Variants in PLGRKT observed in about 807,000 individuals in gnomAD.
PLGRKT encodes plasminogen receptor with a C-terminal lysine.
Under a neutral mutation model 18.5 loss-of-function variants are expected in PLGRKT, and 22 were observed. That is an observed-to-expected ratio of 1.19 (90% CI 0.85 to 1.70). The LOEUF (loss-of-function observed/expected upper bound fraction) is 1.70. Among genes scored for constraint, PLGRKT ranks in the 40% most tolerant of loss-of-function variants. The pLI, the probability that PLGRKT is intolerant of heterozygous loss-of-function variation, is 0.00. For missense variants in PLGRKT, 235 were observed against 174.4 expected, an observed-to-expected ratio of 1.35 and a Z score of -1.96; for synonymous variants, 72 against 52.8, an observed-to-expected ratio of 1.36 and a Z score of -1.58.
Position 5,400,003 on chromosome 9 carries a change from GAAAT to G in PLGRKT, c.81+31890_81+31893del, listed in dbSNP as rs992722096. Among the ~76,000 whole-genome samples the G allele has an allele frequency of 3.3e-5, 5 of 151,466 alleles. 1 individual carries two copies. Among genetic ancestry groups the G allele is most frequent in the African/African-American group, 1.2e-4 (5 of 41,030 alleles). ...AGACTCTGTCTCAAAAAAAATAAAT[GAAAT>G]AAATAAATAAATAAAGTGTTATTCT... is the stretch of plus-strand genomic sequence containing the variant. On this transcript the variant is annotated intron_variant, in intron 3 of 5. Transcript: ENST00000223864.
chr9:5,431,531 CA>C (rs1191361436), intron 3 of PLGRKT, among the ~76,000 whole-genome samples: 31,393 of 77,100 alleles, frequency 0.41, 3,631 homozygotes, highest in East Asian at 0.55. Context: ...GAGACTCTCT[CA>C]AAAAAAAAAA....
At chr9:5,401,671 T>C (rs770943373) in intron 3 of PLGRKT, among the ~76,000 whole-genome samples, 17 of 151,956 alleles carry the variant, frequency 1.1e-4, no homozygotes, top group Non-Finnish European at 2.2e-4. Flanking sequence ...GATGTAAATT[T>C]GTTAATTGTT....
chr9:5,388,394 TAA>T (rs1817885414), intron 3 of PLGRKT, among the ~76,000 whole-genome samples: 2 of 152,108 alleles, frequency 1.3e-5, no homozygotes, highest in South Asian at 2.1e-4. Flanking sequence ...AGTAAACATC[TAA>T]AATTCTGCCT....
chr9:5,424,668 T>TTATATATATATATATGTGTATATATATA (rs1554634175), intron 3 of PLGRKT, among the ~76,000 whole-genome samples: 7 of 113,170 alleles, frequency 6.2e-5, no homozygotes, highest in African/African-American at 2.9e-4. Context: ...ATTATATATT[T>TTATATATATATATATGTGTATATATATA]TATATATATA....
At chr9:5,425,109 A>T (rs10491646) in intron 3 of PLGRKT, among the ~76,000 whole-genome samples, 37,184 of 152,112 alleles carry the variant, frequency 0.24, 4,676 homozygotes, top group Non-Finnish European at 0.28. Flanking sequence ...ACATTGACCA[A>T]AAGTGCTTTG....
intron 3 of PLGRKT, among the ~76,000 whole-genome samples, chr9:5,411,875 G>C (rs563917305): frequency 2.6e-5 from 4 of 152,150 alleles, no homozygotes; most frequent in South Asian, 2.1e-4. Flanking sequence ...TGACTCAATA[G>C]TTCTTCACAA....
chr9:5,399,244 ATC>A (rs1818110485), intron 3 of PLGRKT, among the ~76,000 whole-genome samples: 1 of 151,860 alleles, frequency 6.6e-6, no homozygotes, highest in South Asian at 2.1e-4. Context: ...TCTCCTTTTA[ATC>A]TGTCTAATGT....
At chr9:5,394,538 G>A (rs1031203768) in intron 3 of PLGRKT, among the ~76,000 whole-genome samples, 1 of 151,382 alleles carries the variant, frequency 6.6e-6, no homozygotes, top group Non-Finnish European at 1.5e-5. Flanking sequence ...TCAGCCTCCC[G>A]AGTAGCTGGG....
At position 5,416,294 on chromosome 9, in the gene PLGRKT, T is replaced by A. The variant is rs115548170; in HGVS notation, c.81+15603A>T. On this transcript the variant is annotated intron_variant, in intron 3 of 5. Transcript: ENST00000223864. ...TCCTCCTCCTGCTGCCCTAAATTCT[T>A]CATTATCTTAAGGAACCAGGTAAAG... Among the ~76,000 whole-genome samples the A allele has an allele frequency of 8.1e-3, 1,229 of 152,234 alleles. 18 individuals are homozygous for A. Among genetic ancestry groups the A allele is most frequent in the African/African-American group, 0.029 (1,195 of 41,546 alleles).
At chr9:5,372,411 G>A (rs17501809) in intron 3 of PLGRKT, among the ~76,000 whole-genome samples, 8,031 of 152,218 alleles carry the variant, frequency 0.053, 314 homozygotes, top group Non-Finnish European at 0.073. Context: ...ATGAGTTGCA[G>A]ACAATGGAAT....
At chr9:5,411,671 C>T (rs1818368926) in intron 3 of PLGRKT, among the ~76,000 whole-genome samples, 2 of 152,204 alleles carry the variant, frequency 1.3e-5, no homozygotes, top group Admixed American at 6.5e-5. Flanking sequence ...ACTGCTAACA[C>T]ATCCTCTTGC....
At chr9:5,404,953 C>G (rs569111046) in intron 3 of PLGRKT, among the ~76,000 whole-genome samples, 2 of 152,224 alleles carry the variant, frequency 1.3e-5, no homozygotes, top group South Asian at 4.1e-4. Flanking sequence ...AATCAATGTG[C>G]AGAAATCACA....
intron 3 of PLGRKT, among the ~76,000 whole-genome samples, chr9:5,398,501 T>C (rs1818095617): frequency 1.3e-5 from 2 of 151,908 alleles, no homozygotes; most frequent in Non-Finnish European, 2.9e-5. Context: ...AGCAAGTGCT[T>C]TGAATCTCCT....
chr9:5,383,919 G>A (rs1432159623), intron 3 of PLGRKT, among the ~76,000 whole-genome samples: 1 of 152,212 alleles, frequency 6.6e-6, no homozygotes, highest in Non-Finnish European at 1.5e-5. Flanking sequence ...GGGAATGGAG[G>A]AGAAGCAATT....
chr9:5,389,931 G>C (rs1021010422), intron 3 of PLGRKT, among the ~76,000 whole-genome samples: 1 of 151,848 alleles, frequency 6.6e-6, no homozygotes, highest in Non-Finnish European at 1.5e-5. Flanking sequence ...TATCAAGGAG[G>C]AGTGAGGAAC....
At chr9:5,410,722 T>C (rs2131142959) in intron 3 of PLGRKT, among the ~76,000 whole-genome samples, 2 of 152,292 alleles carry the variant, frequency 1.3e-5, no homozygotes, top group Middle Eastern at 6.8e-3. Context: ...ATAAGGCAGA[T>C]CCACAGTAGA....
intron 3 of PLGRKT, among the ~76,000 whole-genome samples, chr9:5,382,542 G>A (rs146548392): frequency 4.6e-5 from 7 of 152,304 alleles, no homozygotes; most frequent in East Asian, 1.9e-4. Flanking sequence ...ATCCTACAAG[G>A]GCTACTGAAG....
chr9:5,435,382 T>C (rs1278124406), intron 2 of PLGRKT, among the ~76,000 whole-genome samples: 1 of 151,728 alleles, frequency 6.6e-6, no homozygotes, highest in Non-Finnish European at 1.5e-5. Context: ...CAGTTATTCT[T>C]CCTGTCATCC....
In PLGRKT at chr9:5,435,587, C is replaced by A. The variant is rs118166329; in HGVS notation, c.-7+982G>T. On this transcript the variant is annotated intron_variant, in intron 2 of 5. Transcript: ENST00000223864. Reference sequence around the variant, plus strand: ...TTTTTAGATGAATGCACAGTAGTGTCTATCTTATGTAAGTTTTTAAGTGGG... The same window carrying A: ...TTTTTAGATGAATGCACAGTAGTGTATATCTTATGTAAGTTTTTAAGTGGG... 6.0e-4 allele frequency among the ~76,000 whole-genome samples: 92 copies of A among 152,348 alleles called. No individual in the cohort carries two copies. In the East Asian group the frequency reaches 0.017, roughly 28 times the overall value.
Sources: allele counts gnomAD v4.1 joint callset (sites outside exome capture counted in the v4.1 genomes callset), GRCh38; gene constraint gnomAD v4.1.1; transcripts MANE v1.5; gene names NCBI Gene and HGNC (gene_info 2026-07-23, HGNC 2026-07-21).